C3orf20: variants seen among roughly 807,000 people sequenced by gnomAD.
C3orf20 encodes the protein family with sequence similarity 149 member C.
C3orf20 carries 76 observed loss-of-function variants against 88.3 expected under a neutral mutation model. The observed-to-expected ratio is 0.86, with a 90% CI of 0.72 to 1.04. The LOEUF (loss-of-function observed/expected upper bound fraction) is 1.04, where lower values mean the gene tolerates loss of function less well. Ranked by LOEUF, C3orf20 falls within the 50% of genes least tolerant of loss-of-function variation. The pLI, the probability that C3orf20 is intolerant of heterozygous loss-of-function variation, is 0.00. For missense variants in C3orf20, 1,056 were observed against 1,123.3 expected, an observed-to-expected ratio of 0.94 and a Z score of 0.86; for synonymous variants, 436 against 437.4, an observed-to-expected ratio of 1.00 and a Z score of 0.04.
At chr3:14,705,201 A>G (rs2033450231) in intron 7 of C3orf20, among the ~76,000 whole-genome samples, 1 of 152,232 alleles carries the variant, frequency 6.6e-6, no homozygotes, top group African/African-American at 2.4e-5. Context: ...ACAAAAGGAG[A>G]CACATTTTCT....
intron 12 of C3orf20, among the ~76,000 whole-genome samples, chr3:14,756,028 CAAA>C (rs56242160): frequency 5.9e-4 from 43 of 72,728 alleles, no homozygotes; most frequent in African/African-American, 2.4e-3. Context: ...GACTCCATCT[CAAA>C]AAAAAAAAAA....
rs1459573062 is a variant in C3orf20 at position 14,714,206 on chromosome 3, G to A, written c.1313+47G>A. On this transcript the variant is annotated intron_variant, in intron 8 of 16. Coordinates refer to ENST00000253697, the MANE Select transcript of C3orf20 (RefSeq NM_032137.5). The stretch of plus-strand genomic sequence containing the variant: ...TAGTCACACGGAAGTACCTCTGAGG[G>A]TGATGGAGGGAGGACTGAGGTGGTG... 11 of 1,599,538 alleles carry A rather than the reference G, an allele frequency of 6.9e-6. No homozygotes were observed. The Admixed American group carries it at 1.3e-4, about 20-fold the overall frequency.
intron 4 of C3orf20, 56 bp downstream of exon 4, chr3:14,684,438 T>A: frequency 6.3e-7 from 1 of 1,580,780 alleles, no homozygotes; most frequent in South Asian, 1.2e-5. Flanking sequence ...TCAGCAGGAA[T>A]GCAATGGAAA....
rs577201555 is a variant in C3orf20 at position 14,740,592 on chromosome 3, A to G, written c.1940+11904A>G. On this transcript the variant is annotated intron_variant, in intron 12 of 16. Transcript: ENST00000253697. ...CAACACAAGGTTGCCACTAACATTC[A>G]ATTTCTAAAAAAACACAGTATCTGC... Among the ~76,000 whole-genome samples the G allele has an allele frequency of 1.9e-4, 29 of 152,344 alleles. No individual in the cohort carries two copies. In the South Asian group the frequency reaches 3.5e-3, roughly 18 times the overall value.
At chr3:14,693,478 A>C (rs1418824817) in intron 5 of C3orf20, among the ~76,000 whole-genome samples, 2 of 151,970 alleles carry the variant, frequency 1.3e-5, no homozygotes, top group Non-Finnish European at 2.9e-5. Context: ...TTACTTTCTT[A>C]GTTTCTTGTT....
chr3:14,735,841 T>A (rs187384895), intron 12 of C3orf20, among the ~76,000 whole-genome samples: 143 of 152,270 alleles, frequency 9.4e-4, no homozygotes, highest in African/African-American at 3.4e-3. Context: ...GTGATCCACC[T>A]GCCTCAGCCT....
intron 5 of C3orf20, among the ~76,000 whole-genome samples, chr3:14,699,761 T>C (rs1180242499): frequency 6.6e-6 from 1 of 152,236 alleles, no homozygotes; most frequent in Non-Finnish European, 1.5e-5. Flanking sequence ...CTGCCCCAGC[T>C]GGTGTCTCAG....
At chr3:14,753,402 G>A (rs1022719937) in intron 12 of C3orf20, among the ~76,000 whole-genome samples, 2 of 152,174 alleles carry the variant, frequency 1.3e-5, no homozygotes, top group Admixed American at 6.5e-5. Flanking sequence ...ATGAGTTGAT[G>A]GGTGCAGCAA....
chr3:14,752,531 A>G (rs554616548), intron 12 of C3orf20, among the ~76,000 whole-genome samples: 4 of 152,366 alleles, frequency 2.6e-5, no homozygotes, highest in African/African-American at 7.2e-5. Flanking sequence ...AAAAGAAACT[A>G]TCATCAGAGT....
chr3:14,743,698 A>G (rs952992779), intron 12 of C3orf20, among the ~76,000 whole-genome samples: 1 of 152,064 alleles, frequency 6.6e-6, no homozygotes, highest in Admixed American at 6.5e-5. Context: ...TCTGAAATCT[A>G]GGTGGAGGTT....
chr3:14,767,492 G>C (rs964443746), intron 15 of C3orf20: 3 of 152,290 alleles, frequency 2.0e-5, no homozygotes, highest in African/African-American at 7.2e-5. Flanking sequence ...TGTGGGATGG[G>C]GGTGTAGTTC....
intron 12 of C3orf20, among the ~76,000 whole-genome samples, chr3:14,729,092 A>C (rs1207148185): frequency 2.0e-5 from 3 of 152,206 alleles, no homozygotes; most frequent in Non-Finnish European, 4.4e-5. Flanking sequence ...CCACTCATTC[A>C]CATATCATCT....
chr3:14,685,856 C>CTT (rs71038423), intron 4 of C3orf20, among the ~76,000 whole-genome samples: 172 of 68,380 alleles, frequency 2.5e-3, no homozygotes, highest in East Asian at 0.015. Flanking sequence ...GCAGGATTTC[C>CTT]TTTTTTTTTT....
At chr3:14,757,757 G>A in intron 13 of C3orf20, 83 bp downstream of exon 13, 14 of 1,347,770 alleles carry the variant, frequency 1.0e-5, no homozygotes, top group Middle Eastern at 2.4e-4. Context: ...ACAGTGCTAG[G>A]ACTGGCTGAG....
intron 12 of C3orf20, among the ~76,000 whole-genome samples, chr3:14,730,594 A>G (rs1417308991): frequency 6.6e-6 from 1 of 152,226 alleles, no homozygotes; most frequent in Non-Finnish European, 1.5e-5. Context: ...ACCAGAAAGT[A>G]TGCATTCTAT....
intron 12 of C3orf20, among the ~76,000 whole-genome samples, chr3:14,730,103 T>A (rs2034488498): frequency 6.6e-6 from 1 of 152,212 alleles, no homozygotes. Flanking sequence ...CACCAGAGAT[T>A]AGTTTTTATT....
chr3:14,692,623 A>T (rs1319232856), intron 5 of C3orf20, among the ~76,000 whole-genome samples: 1 of 152,032 alleles, frequency 6.6e-6, no homozygotes, highest in Non-Finnish European at 1.5e-5. Context: ...TGAACTCCTT[A>T]TATATTCTCG....
At chr3:14,684,760 C>T (rs1250751641) in intron 4 of C3orf20, among the ~76,000 whole-genome samples, 1 of 152,238 alleles carries the variant, frequency 6.6e-6, no homozygotes, top group African/African-American at 2.4e-5. Flanking sequence ...GCTGCACAGG[C>T]CTCTCAGTGC....
At chr3:14,745,300 C>T (rs887273258) in intron 12 of C3orf20, among the ~76,000 whole-genome samples, 1 of 152,184 alleles carries the variant, frequency 6.6e-6, no homozygotes. Flanking sequence ...GCTCTCCAAC[C>T]TTATGCTCCT....
Sources: gnomAD v4.1 joint callset for allele counts (sites outside exome capture counted in the v4.1 genomes callset) on GRCh38, gnomAD v4.1.1 for gene constraint, MANE v1.5 for transcripts, NCBI Gene and HGNC (gene_info 2026-07-23, HGNC 2026-07-21) for gene names.